Variants in RBFOX1 observed in about 807,000 individuals in gnomAD.
RBFOX1 encodes the protein RNA binding protein fox-1 homolog 1.
In RBFOX1, 8 loss-of-function variants were observed where a neutral mutation model predicts 57.7. The ratio of observed to expected loss-of-function variants is 0.14; its 90% CI spans 0.08 to 0.25. The LOEUF is 0.25. Among genes scored for constraint, RBFOX1 ranks in the 10% least tolerant of loss-of-function variants. The pLI is 1.00. For missense variants in RBFOX1, 611 were observed against 548.5 expected (o/e 1.11, Z -1.14); for synonymous variants, 326 against 222.4 (o/e 1.47, Z -4.15).
chr16:5,774,421 A>G (rs62014105), intron 3 of RBFOX1, among the ~76,000 whole-genome samples: 1 of 152,174 alleles, frequency 6.6e-6, no homozygotes, highest in Non-Finnish European at 1.5e-5. Context: ...TTATTTTCAC[A>G]GAGGCAGTAT....
chr16:5,801,953 G>A (rs1238246914), intron 3 of RBFOX1, among the ~76,000 whole-genome samples: 1 of 152,146 alleles, frequency 6.6e-6, no homozygotes, highest in Admixed American at 6.5e-5. Flanking sequence ...AGGGTTGGAC[G>A]TGTGTGCTTT....
At chr16:6,374,829 G>A (rs1400434768) in intron 2 of RBFOX1, among the ~76,000 whole-genome samples, 2 of 152,182 alleles carry the variant, frequency 1.3e-5, no homozygotes, top group African/African-American at 4.8e-5. Flanking sequence ...TTCTTAATCT[G>A]TGAACATGAG....
intron 5 of RBFOX1, among the ~76,000 whole-genome samples, chr16:7,576,166 C>T (rs2152811668): frequency 6.6e-6 from 1 of 151,742 alleles, no homozygotes; most frequent in East Asian, 1.9e-4. Flanking sequence ...TCAAATGATC[C>T]TCCCACCTTA....
intron 2 of RBFOX1, among the ~76,000 whole-genome samples, chr16:6,370,543 A>G (rs1199699814): frequency 6.6e-6 from 1 of 152,132 alleles, no homozygotes; most frequent in Non-Finnish European, 1.5e-5. Context: ...TACAACATGG[A>G]CAAACCTTGA....
At chr16:6,635,563 G>C (rs1369314138) in intron 2 of RBFOX1, among the ~76,000 whole-genome samples, 1 of 152,060 alleles carries the variant, frequency 6.6e-6, no homozygotes, top group Non-Finnish European at 1.5e-5. Context: ...AATAAAAAGA[G>C]GTATCAATAA....
At chr16:6,805,285 G>C (rs568412944) in intron 3 of RBFOX1, among the ~76,000 whole-genome samples, 1 of 152,222 alleles carries the variant, frequency 6.6e-6, no homozygotes, top group East Asian at 1.9e-4. Flanking sequence ...AACTATGACA[G>C]GAACAAAAAA....
intron 4 of RBFOX1, among the ~76,000 whole-genome samples, chr16:7,158,314 C>G (rs73546736): frequency 2.6e-5 from 4 of 152,240 alleles, no homozygotes; most frequent in Non-Finnish European, 2.9e-5. Context: ...TCACTGCACT[C>G]TACCCTGGTC....
At chr16:5,606,766 T>G (rs1252864475) in intron 3 of RBFOX1, among the ~76,000 whole-genome samples, 1 of 152,034 alleles carries the variant, frequency 6.6e-6, no homozygotes, top group Non-Finnish European at 1.5e-5. Flanking sequence ...ACATAGAGTC[T>G]TGAAGGACAA....
At chr16:5,742,341 C>G (rs1038287864) in intron 3 of RBFOX1, among the ~76,000 whole-genome samples, 1 of 96,494 alleles carries the variant, frequency 1.0e-5, no homozygotes, top group Non-Finnish European at 2.3e-5. Flanking sequence ...CCTTCCTCTC[C>G]TAACTTTCCT....
intron 3 of RBFOX1, among the ~76,000 whole-genome samples, chr16:5,810,069 G>A (rs376673118): frequency 5.3e-4 from 80 of 151,836 alleles, no homozygotes; most frequent in African/African-American, 1.6e-3. Flanking sequence ...GTAAACTATC[G>A]CAAGGACAAA....
intron 2 of RBFOX1, among the ~76,000 whole-genome samples, chr16:6,646,864 G>C (rs760319944): frequency 6.6e-6 from 1 of 152,072 alleles, no homozygotes; most frequent in Non-Finnish European, 1.5e-5. Context: ...GTCAAGCAGA[G>C]ACTTCAGCCA....
intron 2 of RBFOX1, among the ~76,000 whole-genome samples, chr16:5,587,528 C>T (rs11076936): frequency 0.13 from 19,856 of 152,110 alleles, 1,839 homozygotes; most frequent in East Asian, 0.49. Context: ...GCCTGGCCAA[C>T]ATGGTGAAAC....
chr16:6,650,174 G>A (rs1278195469), intron 2 of RBFOX1, among the ~76,000 whole-genome samples: 1 of 152,192 alleles, frequency 6.6e-6, no homozygotes, highest in East Asian at 1.9e-4. Flanking sequence ...GTAAGAATAT[G>A]CCTTTTTAAC....
chr16:7,417,065 A>G (rs1488524582), intron 4 of RBFOX1, among the ~76,000 whole-genome samples: 3 of 152,138 alleles, frequency 2.0e-5, no homozygotes, highest in African/African-American at 7.2e-5. Flanking sequence ...ATTTATATTT[A>G]ATTTTAAGAA....
At chr16:6,734,289 G>T (rs944137854) in intron 3 of RBFOX1, among the ~76,000 whole-genome samples, 3 of 152,120 alleles carry the variant, frequency 2.0e-5, no homozygotes, top group African/African-American at 7.2e-5. Context: ...GCGAGGGCTG[G>T]TATAGAGATA....
intron 2 of RBFOX1, among the ~76,000 whole-genome samples, chr16:6,458,165 C>A (rs113144583): frequency 1.0e-3 from 153 of 152,238 alleles, no homozygotes; most frequent in African/African-American, 3.6e-3. Context: ...CAAACACGGC[C>A]CCTCCCTGTA....
At chr16:6,009,147 T>C (rs2094945064) in intron 4 of RBFOX1, among the ~76,000 whole-genome samples, 1 of 152,042 alleles carries the variant, frequency 6.6e-6, no homozygotes, top group Admixed American at 6.6e-5. Context: ...AAAGAGCCTC[T>C]TGTGCACACG....
chr16:7,139,297 C>T lies in RBFOX1; in HGVS notation c.27+87199C>T, dbSNP rs114692463. Among the ~76,000 whole-genome samples the T allele has an allele frequency of 6.1e-3, 933 of 151,972 alleles. 8 individuals are homozygous for T. The highest frequency in any genetic ancestry group is 0.021 in the African/African-American group (881 of 41,424). On this transcript the variant is annotated intron_variant, in intron 4 of 15. Transcript: ENST00000550418. ...CTCTGTCACTCCCCATGCAGAACATCCAACATAATCACTTCAACAACCAGC... is the reference window on the plus strand; with the variant it reads ...CTCTGTCACTCCCCATGCAGAACATTCAACATAATCACTTCAACAACCAGC...
intron 3 of RBFOX1, among the ~76,000 whole-genome samples, chr16:7,000,685 A>G (rs1311790394): frequency 7.3e-6 from 1 of 136,172 alleles, no homozygotes; most frequent in African/African-American, 2.7e-5. Context: ...GCTCACTGCA[A>G]CCTCTGCCTA....
Sources: gnomAD v4.1 joint callset for allele counts (sites outside exome capture counted in the v4.1 genomes callset) on GRCh38, gnomAD v4.1.1 for gene constraint, MANE v1.5 for transcripts, NCBI Gene and HGNC (gene_info 2026-07-23, HGNC 2026-07-21) for gene names.